Variants in DAB1 observed in about 807,000 individuals in gnomAD.
DAB1 encodes disabled homolog 1.
DAB1 carries 15 observed loss-of-function variants against 64.6 expected under a neutral mutation model. The ratio of observed to expected loss-of-function variants is 0.23; its 90% CI spans 0.16 to 0.36. The LOEUF (loss-of-function observed/expected upper bound fraction) is 0.36. Among genes scored for constraint, DAB1 ranks in the 10% least tolerant of loss-of-function variants. DAB1 has a pLI of 1.00. For synonymous variants in DAB1, 235 were observed against 251.9 expected, an observed-to-expected ratio of 0.93 and a Z score of 0.64; for missense variants, 596 against 706.7, an observed-to-expected ratio of 0.84 and a Z score of 1.78.
At chr1:57,114,017 T>C (rs2100731638) in intron 4 of DAB1, among the ~76,000 whole-genome samples, 1 of 152,312 alleles carries the variant, frequency 6.6e-6, no homozygotes, top group Middle Eastern at 3.4e-3. Context: ...TCAAAGTCAC[T>C]GTATGAATTA....
intron 7 of DAB1, among the ~76,000 whole-genome samples, chr1:57,511,609 G>A (rs1293847158): frequency 6.6e-6 from 1 of 151,706 alleles, no homozygotes; most frequent in South Asian, 2.1e-4. Context: ...TTTCTTTCTA[G>A]TTTACTGTCT....
intron 1 of DAB1, among the ~76,000 whole-genome samples, chr1:57,313,523 C>T (rs1377930513): frequency 6.6e-6 from 1 of 152,110 alleles, no homozygotes; most frequent in Non-Finnish European, 1.5e-5. Flanking sequence ...ACTGTGCCTG[C>T]TATGAGGAAG....
chr1:58,535,533 T>C (rs770902551), intron 1 of DAB1, among the ~76,000 whole-genome samples: 1 of 149,214 alleles, frequency 6.7e-6, no homozygotes, highest in Admixed American at 6.7e-5. Context: ...AAGGTGGAGG[T>C]TGCAGTGAGC....
At chr1:57,039,234 A>G (rs1231114484) in intron 9 of DAB1, among the ~76,000 whole-genome samples, 1 of 152,174 alleles carries the variant, frequency 6.6e-6, no homozygotes, top group Non-Finnish European at 1.5e-5. Context: ...AATGCTTACA[A>G]TGTGGGCTTG....
At chr1:58,240,074 A>G (rs1660221415) in intron 4 of DAB1, among the ~76,000 whole-genome samples, 1 of 152,180 alleles carries the variant, frequency 6.6e-6, no homozygotes, top group Non-Finnish European at 1.5e-5. Flanking sequence ...CCATCTTACA[A>G]GCAAACCCAG....
intron 7 of DAB1, among the ~76,000 whole-genome samples, chr1:57,439,383 C>G (rs1250221638): frequency 6.7e-6 from 1 of 148,274 alleles, no homozygotes; most frequent in East Asian, 2.0e-4. Flanking sequence ...TTTTCTTACT[C>G]TCTACCAAAG....
chr1:57,180,178 C>A (rs1277207856), intron 2 of DAB1, among the ~76,000 whole-genome samples: 2 of 152,178 alleles, frequency 1.3e-5, no homozygotes, highest in Non-Finnish European at 2.9e-5. Context: ...TGAGAGGACA[C>A]AGAAAAGGAG....
At chr1:58,304,945 TA>T (rs978865006) in intron 4 of DAB1, among the ~76,000 whole-genome samples, 7 of 151,980 alleles carry the variant, frequency 4.6e-5, no homozygotes, top group Non-Finnish European at 7.4e-5. Flanking sequence ...TATACAACAC[TA>T]AAAAAAACAG....
intron 3 of DAB1, among the ~76,000 whole-genome samples, chr1:58,469,908 T>C (rs1324448339): frequency 2.6e-5 from 4 of 152,000 alleles, no homozygotes; most frequent in Non-Finnish European, 1.5e-5. Context: ...TATTTTAAAT[T>C]TGTGAAATTC....
intron 7 of DAB1, among the ~76,000 whole-genome samples, chr1:57,613,759 GA>G (rs1195381280): frequency 1.3e-5 from 2 of 152,210 alleles, no homozygotes; most frequent in African/African-American, 4.8e-5. Context: ...GGCTGACAGA[GA>G]TGTGGGTCAG....
chr1:58,411,121 T>C (rs1210231758), intron 3 of DAB1, among the ~76,000 whole-genome samples: 1 of 152,236 alleles, frequency 6.6e-6, no homozygotes, highest in Non-Finnish European at 1.5e-5. Context: ...GGGATCTCAT[T>C]ACTCTTTTTT....
At chr1:57,396,755 T>A (rs1682840233) in intron 1 of DAB1, among the ~76,000 whole-genome samples, 1 of 152,202 alleles carries the variant, frequency 6.6e-6, no homozygotes, top group South Asian at 2.1e-4. Context: ...CTCTTAAGGA[T>A]GTTCTCACAT....
chr1:58,073,449 A>T (rs2764686), intron 5 of DAB1, among the ~76,000 whole-genome samples: 98,412 of 152,076 alleles, frequency 0.65, 32,086 homozygotes, highest in Middle Eastern at 0.74. Context: ...CCTGAGTAGA[A>T]ACTCAAAACA....
chr1:57,802,727 ACACGCC>A (rs1557489392), intron 6 of DAB1, among the ~76,000 whole-genome samples: 1 of 152,000 alleles, frequency 6.6e-6, no homozygotes, highest in Non-Finnish European at 1.5e-5. Flanking sequence ...GCCAAGTAAG[ACACGCC>A]CACTTCCCCT....
intron 5 of DAB1, among the ~76,000 whole-genome samples, chr1:58,079,690 T>C (rs1034758414): frequency 6.6e-6 from 1 of 151,734 alleles, no homozygotes; most frequent in Non-Finnish European, 1.5e-5. Context: ...CTGGCTAATT[T>C]TTGTATTTTT....
intron 5 of DAB1, among the ~76,000 whole-genome samples, chr1:57,984,185 AAAGAAAGAAAGAAAGAAAGAAAG>A (rs1646138786): frequency 4.5e-5 from 1 of 22,044 alleles, no homozygotes; most frequent in African/African-American, 1.4e-4. Flanking sequence ...AGCTTAAAAA[AAAGAAAGAAAGAAAGAAAGAAAG>A]AAAGAAAGAA....
At chr1:57,498,366 C>G (rs752953700) in intron 7 of DAB1, among the ~76,000 whole-genome samples, 2 of 152,076 alleles carry the variant, frequency 1.3e-5, no homozygotes, top group Non-Finnish European at 2.9e-5. Flanking sequence ...CATGGTGGAA[C>G]CTTAGGAAAC....
At chr1:57,828,816 T>G (rs1557503997) in intron 1 of DAB1, among the ~76,000 whole-genome samples, 2 of 152,320 alleles carry the variant, frequency 1.3e-5, no homozygotes, top group Non-Finnish European at 2.9e-5. Context: ...TCATAAGTTT[T>G]TACACTCTTA....
chr1:57,988,430 C>T (rs909768576), intron 5 of DAB1, among the ~76,000 whole-genome samples: 6 of 152,114 alleles, frequency 3.9e-5, no homozygotes, highest in East Asian at 1.9e-4. Context: ...ATTGGGGATT[C>T]GAAGGTTTCA....
Sources: gnomAD v4.1 joint callset for allele counts (sites outside exome capture counted in the v4.1 genomes callset) on GRCh38, gnomAD v4.1.1 for gene constraint, MANE v1.5 for transcripts, NCBI Gene and HGNC (gene_info 2026-07-23, HGNC 2026-07-21) for gene names.